The following VRK1 variants were observed in gnomAD, a reference collection of about 807,000 sequenced individuals.
VRK1 encodes the protein VRK serine/threonine kinase 1.
A neutral mutation model predicts 57.1 loss-of-function variants in VRK1; 33 were observed. The ratio of observed to expected loss-of-function variants is 0.58; its 90% confidence interval spans 0.44 to 0.77. The LOEUF (loss-of-function observed/expected upper bound fraction) is 0.77, where lower values mean the gene tolerates loss of function less well. VRK1 is among the 30% of genes least tolerant of loss of function. The probability of loss-of-function intolerance (pLI) is 0.00; values close to 1 mark genes in which losing one functional copy is unlikely to be tolerated. For synonymous variants in VRK1, 137 were observed against 147.8 expected, an observed-to-expected ratio of 0.93 and a Z score of 0.53; for missense variants, 413 against 477.3, an observed-to-expected ratio of 0.87 and a Z score of 1.25.
chr14:96,837,721 ATTAC>A (rs778315467), intron 2 of VRK1, 37 bp from the exon 3 acceptor site: 2 of 1,308,984 alleles, frequency 1.5e-6, no homozygotes, highest in Admixed American at 4.1e-5. Flanking sequence ...TATTTATAAT[ATTAC>A]TTGTTCTGAT....
At chr14:96,817,418 A>T (rs1886435922) in intron 1 of VRK1, among the ~76,000 whole-genome samples, 1 of 151,144 alleles carries the variant, frequency 6.6e-6, no homozygotes, top group Non-Finnish European at 1.5e-5. Context: ...TAAATTTATC[A>T]GTTTTCTTTA....
chr14:96,874,052 A>G (rs1192384240), intron 11 of VRK1, among the ~76,000 whole-genome samples: 1 of 152,160 alleles, frequency 6.6e-6, no homozygotes, highest in African/African-American at 2.4e-5. Context: ...AACTAGATGA[A>G]TGCACTTAGG....
intron 1 of VRK1, among the ~76,000 whole-genome samples, chr14:96,811,244 ATAT>A (rs1256286644): frequency 6.6e-6 from 1 of 152,068 alleles, no homozygotes; most frequent in Non-Finnish European, 1.5e-5. Flanking sequence ...GATCTTACTA[ATAT>A]ACTGTGTCCC....
intron 11 of VRK1, among the ~76,000 whole-genome samples, chr14:96,868,579 T>C: frequency 6.6e-6 from 1 of 152,154 alleles, no homozygotes; most frequent in East Asian, 1.9e-4. Flanking sequence ...GATGCACACA[T>C]ACTATTTTTT....
intron 1 of VRK1, among the ~76,000 whole-genome samples, chr14:96,812,844 T>A (rs1018458698): frequency 1.3e-5 from 2 of 152,178 alleles, no homozygotes; most frequent in East Asian, 3.8e-4. Flanking sequence ...CATTTGTGGT[T>A]CATACTGGTT....
intron 11 of VRK1, among the ~76,000 whole-genome samples, chr14:96,868,882 A>G (rs912497135): frequency 3.7e-4 from 54 of 147,048 alleles, no homozygotes; most frequent in African/African-American, 1.3e-3. Flanking sequence ...GACTCACCGC[A>G]GCCACCGGGT....
intron 4 of VRK1, 56 bp downstream of exon 4, chr14:96,846,220 T>C: frequency 1.3e-6 from 2 of 1,537,236 alleles, no homozygotes; most frequent in Non-Finnish European, 1.8e-6. Context: ...TTTTTTGTTT[T>C]AAGCCAAGAC....
intron 4 of VRK1, 65 bp from the exon 5 acceptor site, chr14:96,847,192 A>AT: frequency 2.1e-6 from 3 of 1,399,662 alleles, no homozygotes; most frequent in Non-Finnish European, 3.0e-6. Flanking sequence ...GCTCTTAATG[A>AT]TTTTTTAAAA....
intron 4 of VRK1, among the ~76,000 whole-genome samples, chr14:96,846,658 G>A (rs1372420837): frequency 2.7e-5 from 4 of 149,562 alleles, no homozygotes; most frequent in Non-Finnish European, 5.9e-5. Context: ...GTCCACCCCC[G>A]TATTCTCAGA....
chr14:96,815,099 T>C (rs1886342062), intron 1 of VRK1, among the ~76,000 whole-genome samples: 1 of 152,238 alleles, frequency 6.6e-6, no homozygotes, highest in Non-Finnish European at 1.5e-5. Flanking sequence ...CAAATTGTTA[T>C]GCCTTTTTCC....
intron 1 of VRK1, among the ~76,000 whole-genome samples, chr14:96,809,600 T>C (rs1444390016): frequency 6.7e-6 from 1 of 148,514 alleles, no homozygotes; most frequent in Non-Finnish European, 1.5e-5. Context: ...TGAAACGAAG[T>C]CTCCCTTTGT....
intron 3 of VRK1, among the ~76,000 whole-genome samples, chr14:96,845,492 A>G (rs776397549): frequency 5.3e-5 from 8 of 152,230 alleles, no homozygotes; most frequent in Admixed American, 1.3e-4. Context: ...GTAGAAAACA[A>G]TTGTTAATGA....
chr14:96,846,144 G>A lies in VRK1; in HGVS notation c.266G>A (p.Arg89Gln), dbSNP rs773138218. ...TTTACTGAATTAAAGTTCTACCAACGAGCTGCAAAACCAGAGCAAAGTAAG... is the reference window on the plus strand; with the variant it reads ...TTTACTGAATTAAAGTTCTACCAACAAGCTGCAAAACCAGAGCAAAGTAAG... ...PLFTELKFYQ[R>Q]AAKPEQIQKW... The change falls in exon 4 of 13, where the codon CGA becomes CAA. Residue 89 changes from arginine to glutamine, a missense_variant. Coordinates refer to ENST00000216639, the MANE Select transcript of VRK1 (RefSeq NM_003384.3). 11 of 1,613,200 alleles carry A rather than the reference G, an allele frequency of 6.8e-6. No individual in the cohort carries two copies. In the Admixed American group the frequency reaches 1.5e-4, roughly 22 times the overall value.
intron 1 of VRK1, among the ~76,000 whole-genome samples, chr14:96,810,328 C>G (rs935379491): frequency 6.6e-6 from 1 of 152,168 alleles, no homozygotes; most frequent in Non-Finnish European, 1.5e-5. Flanking sequence ...TTAATCAATT[C>G]CAATGTATCC....
chr14:96,874,407 G>A (rs1888944099), intron 11 of VRK1, among the ~76,000 whole-genome samples: 1 of 152,152 alleles, frequency 6.6e-6, no homozygotes, highest in Non-Finnish European at 1.5e-5. Flanking sequence ...GCCCACTGCA[G>A]TTATTGTATG....
Position 96,814,249 on chromosome 14 carries a change from T to C in VRK1, c.-6+16802T>C, listed in dbSNP as rs562597372. On this transcript the variant is annotated intron_variant, in intron 1 of 12. Transcript: ENST00000216639. Reference sequence around the variant, plus strand: ...CTTTAAAGACTAGAGACTATTGCTCTTTAAAGACTGACCTCATCTTTATCT... The same window carrying C: ...CTTTAAAGACTAGAGACTATTGCTCCTTAAAGACTGACCTCATCTTTATCT... Among the ~76,000 whole-genome samples the C allele has an allele frequency of 3.9e-5, 6 of 152,324 alleles. No homozygotes were observed. The South Asian group carries it at 1.2e-3, about 32-fold the overall frequency.
chr14:96,845,320 G>A (rs1887637890), intron 3 of VRK1, among the ~76,000 whole-genome samples: 3 of 152,044 alleles, frequency 2.0e-5, no homozygotes, highest in South Asian at 4.1e-4. Context: ...AGAATTATAA[G>A]ATCTTTTCCA....
intron 12 of VRK1, among the ~76,000 whole-genome samples, chr14:96,879,514 A>C (rs533594982): frequency 7.4e-4 from 112 of 152,308 alleles, no homozygotes; most frequent in Middle Eastern, 3.4e-3. Flanking sequence ...GTGTGGTTAA[A>C]GATTTAAAAT....
At chr14:96,822,065 A>G (rs1453169723) in intron 1 of VRK1, among the ~76,000 whole-genome samples, 1 of 131,822 alleles carries the variant, frequency 7.6e-6, no homozygotes, top group African/African-American at 2.8e-5. Flanking sequence ...CCCGCCCCCA[A>G]CTCCCTGTCC....
Sources: allele counts gnomAD v4.1 joint callset (sites outside exome capture counted in the v4.1 genomes callset), GRCh38; gene constraint gnomAD v4.1.1; transcripts MANE v1.5; gene names NCBI Gene and HGNC (gene_info 2026-07-23, HGNC 2026-07-21).